CLEC20A: variants seen among roughly 807,000 people sequenced by gnomAD.
CLEC20A encodes the protein C-type lectin domain containing 20A, also known as putative C-type lectin domain family 20 member A.
intron 4 of CLEC20A, among the ~76,000 whole-genome samples, chr1:178,489,224 G>A (rs778961024): frequency 6.6e-5 from 10 of 152,046 alleles, no homozygotes; most frequent in Non-Finnish European, 1.5e-4. Context: ...TTAGTCAGGC[G>A]TGGTAGTGGG....
intron 1 of CLEC20A, 63 bp from the exon 2 acceptor site, chr1:178,494,873 C>T (rs1309890030): frequency 1.0e-5 from 4 of 398,728 alleles, no homozygotes; most frequent in African/African-American, 4.1e-5. Flanking sequence ...CCTCAAAGAG[C>T]TTTCAGCCAC....
chr1:178,482,841 C>T (rs2101860251), intron 6 of CLEC20A: 1 of 214,334 alleles, frequency 4.7e-6, no homozygotes, highest in South Asian at 1.9e-4. Context: ...GAACTACAAT[C>T]TCATAATAAG....
intron 6 of CLEC20A, chr1:178,482,770 A>G: frequency 4.7e-6 from 1 of 211,166 alleles, no homozygotes; most frequent in Non-Finnish European, 9.2e-6. Flanking sequence ...ATTCTAAAGA[A>G]GTTCTCTGAC....
exon 4 of CLEC20A, chr1:178,490,357 T>C (rs1649243334): frequency 5.0e-6 from 2 of 398,658 alleles, no homozygotes; most frequent in East Asian, 7.1e-5. Flanking sequence ...GTGTGGTGGC[T>C]GCGGCAGTAC....
At position 178,492,216 on chromosome 1, in the gene CLEC20A, G is replaced by A. The variant is rs139893546; in HGVS notation, c.463+285C>T. On this transcript the variant is annotated intron_variant, in intron 3 of 7. Transcript: ENST00000623247. ...AGGAGGATCAGCCACCGGGAATGTC[G>A]GGTGAGCTGTGAGTGTGCCACTGTA... is the stretch of plus-strand genomic sequence containing the variant. 5.0e-3 allele frequency among the ~76,000 whole-genome samples: 755 copies of A among 152,214 alleles called. 30 individuals carry two copies. The highest frequency in any genetic ancestry group is 0.046 in the Admixed American group (705 of 15,284).
intron 5 of CLEC20A, chr1:178,483,981 C>A (rs1649064917): frequency 6.6e-6 from 1 of 152,250 alleles, no homozygotes; most frequent in Admixed American, 6.5e-5. Context: ...AGGTCCTTCA[C>A]ACTCTCGAAT....
At chr1:178,487,866 G>T (rs1649187898) in intron 5 of CLEC20A, among the ~76,000 whole-genome samples, 1 of 152,214 alleles carries the variant, frequency 6.6e-6, no homozygotes. Context: ...CTGTAAGGAG[G>T]CCAGGAAAAC....
chr1:178,486,692 A>T, intron 5 of CLEC20A: 1 of 398,414 alleles, frequency 2.5e-6, no homozygotes, highest in Non-Finnish European at 4.4e-6. Flanking sequence ...GTGGGGCTCG[A>T]AGCGGAGGCC....
intron 2 of CLEC20A, among the ~76,000 whole-genome samples, chr1:178,494,243 T>TTTTG (rs1447157259): frequency 6.6e-6 from 1 of 151,968 alleles, no homozygotes; most frequent in Admixed American, 6.6e-5. Flanking sequence ...AAGGTTGGTT[T>TTTTG]TTTGTTTGTT....
At position 178,479,915 on chromosome 1, in the gene CLEC20A, A is replaced by G. The variant is rs536515431; in HGVS notation, c.1123-300T>C. 1.5e-3 allele frequency: 301 copies of G among 197,740 alleles called. 1 individual carries two copies. Among genetic ancestry groups the G allele is most frequent in the Admixed American group, 2.5e-3 (42 of 16,674 alleles). The allele number at this position is 197,740 out of a possible 1,614,324, so 12.2% of individuals were successfully genotyped here. On this transcript the variant is annotated intron_variant, in intron 7 of 7. Coordinates refer to ENST00000623247, the Ensembl canonical transcript of CLEC20A. The stretch of plus-strand genomic sequence containing the variant: ...CTGGAGAGTTGTTTAAAAAAAAAAA[A>G]AAAGAAAAAAAACAGAGGAGTACCT...
upstream of CLEC20A, among the ~76,000 whole-genome samples, chr1:178,498,949 A>G (rs1170070963): frequency 6.6e-6 from 1 of 152,236 alleles, no homozygotes; most frequent in African/African-American, 2.4e-5. Flanking sequence ...ACTTCCTCCC[A>G]GAAGCAGGTC....
intron 5 of CLEC20A, among the ~76,000 whole-genome samples, chr1:178,487,596 C>T (rs1453760589): frequency 6.6e-6 from 1 of 152,234 alleles, no homozygotes; most frequent in Non-Finnish European, 1.5e-5. Flanking sequence ...GGATGCTCCC[C>T]TTCTCAGCGT....
chr1:178,488,329 G>T (rs530552773), intron 5 of CLEC20A, among the ~76,000 whole-genome samples, 172 bp downstream of exon 5: 1 of 152,320 alleles, frequency 6.6e-6, no homozygotes, highest in Admixed American at 6.5e-5. Flanking sequence ...GGTGGGGAGC[G>T]GAGGGAAACT....
upstream of CLEC20A, among the ~76,000 whole-genome samples, chr1:178,497,507 G>A (rs1649428297): frequency 6.6e-6 from 1 of 152,170 alleles, no homozygotes; most frequent in African/African-American, 2.4e-5. Context: ...GGGCCAAGAA[G>A]AATCCAGACC....
intron 1 of CLEC20A, chr1:178,496,627 A>C: frequency 2.6e-6 from 1 of 381,344 alleles, no homozygotes; most frequent in Non-Finnish European, 4.6e-6. Flanking sequence ...TCTTTGAGGA[A>C]TGTCTTAGCC....
intron 2 of CLEC20A, among the ~76,000 whole-genome samples, chr1:178,494,220 C>T (rs1212921452): frequency 1.3e-5 from 2 of 152,214 alleles, no homozygotes; most frequent in Non-Finnish European, 2.9e-5. Context: ...CATAGCGAGA[C>T]CCTGTCTCTA....
At chr1:178,491,980 C>T (rs912004726) in intron 3 of CLEC20A, among the ~76,000 whole-genome samples, 10 of 152,040 alleles carry the variant, frequency 6.6e-5, no homozygotes, top group African/African-American at 1.9e-4. Flanking sequence ...CCCCTCTGGG[C>T]CCATCAGAAT....
At chr1:178,488,530 G>C (rs765905782) in exon 5 of CLEC20A, 4 of 398,712 alleles carry the variant, frequency 1.0e-5, no homozygotes, top group Non-Finnish European at 1.8e-5. Flanking sequence ...TGTTTCCTCT[G>C]TCATTTCTGT....
downstream of CLEC20A, chr1:178,478,801 C>A (rs971596772): frequency 5.9e-5 from 9 of 152,100 alleles, no homozygotes; most frequent in African/African-American, 1.9e-4. Context: ...CGTTTGAGGT[C>A]TTTTATTGAT....
Sources: gnomAD v4.1 joint callset for allele counts (sites outside exome capture counted in the v4.1 genomes callset) on GRCh38, gnomAD v4.1.1 for gene constraint, MANE v1.5 for transcripts, NCBI Gene and HGNC (gene_info 2026-07-23, HGNC 2026-07-21) for gene names.